Variants in FOXN3 observed in about 807,000 individuals in gnomAD.
The protein encoded by FOXN3 is forkhead box protein N3.
FOXN3 carries 7 observed loss-of-function variants against 38.4 expected under a neutral mutation model. The ratio of observed to expected loss-of-function variants is 0.18; its 90% CI spans 0.10 to 0.34. The LOEUF (loss-of-function observed/expected upper bound fraction) is 0.34. FOXN3 is among the 10% of genes least tolerant of loss of function. The probability of loss-of-function intolerance (pLI) is 1.00; values close to 1 mark genes in which losing one functional copy is unlikely to be tolerated. For synonymous variants in FOXN3, 230 were observed against 242.2 expected (o/e 0.95, Z 0.47); for missense variants, 456 against 613.4 (o/e 0.74, Z 2.71).
intron 1 of FOXN3, among the ~76,000 whole-genome samples, chr14:89,608,757 G>A (rs1337421889): frequency 1.3e-5 from 2 of 152,170 alleles, no homozygotes; most frequent in Non-Finnish European, 2.9e-5. Flanking sequence ...CTGGGGATGG[G>A]GTAGGCGAGA....
intron 3 of FOXN3, among the ~76,000 whole-genome samples, chr14:89,321,508 C>T (rs1432995917): frequency 6.6e-6 from 1 of 151,992 alleles, no homozygotes; most frequent in African/African-American, 2.4e-5. Context: ...ACCTGGGCGG[C>T]AGAGTTTGCA....
At chr14:89,410,375 C>T (rs1053242315) in intron 2 of FOXN3, among the ~76,000 whole-genome samples, 3 of 152,168 alleles carry the variant, frequency 2.0e-5, no homozygotes, top group Non-Finnish European at 4.4e-5. Flanking sequence ...GGAGAACCAG[C>T]ACCCCAGCTG....
chr14:89,587,751 C>A (rs771720403), intron 1 of FOXN3, among the ~76,000 whole-genome samples: 8 of 151,816 alleles, frequency 5.3e-5, no homozygotes, highest in Non-Finnish European at 1.2e-4. Flanking sequence ...CCTGTAATCC[C>A]AGCTTTCAGG....
intron 3 of FOXN3, among the ~76,000 whole-genome samples, chr14:89,309,311 A>G (rs2139956877): frequency 6.6e-6 from 1 of 152,008 alleles, no homozygotes; most frequent in African/African-American, 2.4e-5. Context: ...CTCTTTACCC[A>G]TCGGAACACG....
intron 1 of FOXN3, among the ~76,000 whole-genome samples, chr14:89,617,435 TTG>T (rs1896514883): frequency 6.6e-6 from 1 of 152,266 alleles, no homozygotes; most frequent in Admixed American, 6.5e-5. Flanking sequence ...TTGCTTTTCA[TTG>T]TCTTTTCCTT....
At chr14:89,217,052 A>T (rs747079631) in intron 4 of FOXN3, among the ~76,000 whole-genome samples, 65 of 152,350 alleles carry the variant, frequency 4.3e-4, no homozygotes, top group Middle Eastern at 3.4e-3. Flanking sequence ...GATCCTGGGT[A>T]AACGGGGTAT....
chr14:89,195,362 C>G (rs1013737715), intron 4 of FOXN3, among the ~76,000 whole-genome samples: 11 of 152,198 alleles, frequency 7.2e-5, no homozygotes, highest in Non-Finnish European at 1.5e-4. Flanking sequence ...CACTCTGGGT[C>G]TCTATAAAAA....
At chr14:89,417,799 A>G (rs1203910457), upstream of FOXN3, 1 of 453,668 alleles carries the variant, frequency 2.2e-6, no homozygotes, top group Non-Finnish European at 4.4e-6. Context: ...TCCCGGAGGT[A>G]AGCACCGCAG....
intron 4 of FOXN3, among the ~76,000 whole-genome samples, chr14:89,195,292 CCT>C (rs1314017693): frequency 6.6e-6 from 1 of 152,094 alleles, no homozygotes. Context: ...TCCTCCTGTG[CCT>C]CTCTCTGGGG....
chr14:89,463,537 G>A (rs1457716024), intron 1 of FOXN3, among the ~76,000 whole-genome samples: 2 of 152,162 alleles, frequency 1.3e-5, no homozygotes, highest in Non-Finnish European at 2.9e-5. Flanking sequence ...GGTCTTCCTA[G>A]CCAAGTACAC....
At chr14:89,521,338 G>C (rs1894312483) in intron 1 of FOXN3, among the ~76,000 whole-genome samples, 1 of 144,604 alleles carries the variant, frequency 6.9e-6, no homozygotes, top group Non-Finnish European at 1.5e-5. Context: ...AGAGAATGAT[G>C]AATCTTCATA....
chr14:89,448,173 A>G (rs1892546686), intron 1 of FOXN3, among the ~76,000 whole-genome samples: 1 of 152,156 alleles, frequency 6.6e-6, no homozygotes, highest in African/African-American at 2.4e-5. Context: ...CACACTTTTC[A>G]TATTTGTTTC....
chr14:89,588,025 G>A (rs998428961), intron 1 of FOXN3, among the ~76,000 whole-genome samples: 1 of 152,096 alleles, frequency 6.6e-6, no homozygotes, highest in South Asian at 2.1e-4. Context: ...CCCAGTGTTG[G>A]AGATGGAGCC....
At chr14:89,265,726 G>C (rs1885958812) in intron 4 of FOXN3, among the ~76,000 whole-genome samples, 1 of 152,174 alleles carries the variant, frequency 6.6e-6, no homozygotes, top group South Asian at 2.1e-4. Flanking sequence ...GTAAGTGGAA[G>C]GTCCAAGGCC....
chr14:89,569,688 A>G (rs1895450082), intron 1 of FOXN3, among the ~76,000 whole-genome samples: 1 of 152,138 alleles, frequency 6.6e-6, no homozygotes, highest in Non-Finnish European at 1.5e-5. Context: ...AAAATGAAAA[A>G]CTAGTTGCTG....
intron 1 of FOXN3, among the ~76,000 whole-genome samples, chr14:89,514,454 C>G (rs149414313): frequency 6.6e-6 from 1 of 152,142 alleles, no homozygotes; most frequent in African/African-American, 2.4e-5. Context: ...AACGTTACCT[C>G]GATTAAGTGC....
At chr14:89,569,986 G>A (rs1192863739) in intron 1 of FOXN3, among the ~76,000 whole-genome samples, 2 of 151,520 alleles carry the variant, frequency 1.3e-5, no homozygotes, top group African/African-American at 2.4e-5. Flanking sequence ...CAGGAAACAC[G>A]TGGAGTCACT....
intron 1 of FOXN3, among the ~76,000 whole-genome samples, chr14:89,434,286 T>C (rs1335476130): frequency 6.8e-6 from 1 of 146,772 alleles, no homozygotes. Flanking sequence ...TGCAATGGTG[T>C]GATCTCACTC....
At chr14:89,537,156 T>C (rs1276110385) in intron 1 of FOXN3, among the ~76,000 whole-genome samples, 1 of 152,206 alleles carries the variant, frequency 6.6e-6, no homozygotes, top group Non-Finnish European at 1.5e-5. Flanking sequence ...AAACAGGAAG[T>C]TCCTTGAGAA....
Sources: gnomAD v4.1 joint callset for allele counts (sites outside exome capture counted in the v4.1 genomes callset) on GRCh38, gnomAD v4.1.1 for gene constraint, MANE v1.5 for transcripts, NCBI Gene and HGNC (gene_info 2026-07-23, HGNC 2026-07-21) for gene names.